The following MET variants were observed in gnomAD, a reference collection of about 807,000 sequenced individuals.
The protein encoded by MET is MET proto-oncogene, receptor tyrosine kinase.
Under a neutral mutation model 133.1 loss-of-function variants are expected in MET, and 48 were observed. The ratio of observed to expected loss-of-function variants is 0.36; its 90% CI spans 0.29 to 0.46. The LOEUF is 0.46. Among genes scored for constraint, MET ranks in the 20% least tolerant of loss-of-function variants. MET has a pLI of 1.00. For synonymous variants in MET, 628 were observed against 616.5 expected (o/e 1.02, Z -0.28); for missense variants, 1,442 against 1,695.9 (o/e 0.85, Z 2.63).
chr7:116,692,214 G>T (rs1796801873), intron 1 of MET, among the ~76,000 whole-genome samples: 1 of 152,130 alleles, frequency 6.6e-6, no homozygotes, highest in Non-Finnish European at 1.5e-5. Context: ...ACAGGATAAT[G>T]CTTACCTTAT....
intron 2 of MET, 36 bp from the exon 3 acceptor site, chr7:116,731,632 G>T (rs775643960): frequency 1.2e-6 from 2 of 1,610,070 alleles, no homozygotes; most frequent in East Asian, 2.2e-5. Context: ...TTCATGTCTG[G>T]ATTCACATTA....
chr7:116,791,705 C>G (rs549099286), intron 19 of MET, among the ~76,000 whole-genome samples: 1 of 152,248 alleles, frequency 6.6e-6, no homozygotes, highest in Admixed American at 6.5e-5. Flanking sequence ...CACTCTGTCA[C>G]CCAGCCTGAA....
rs138238598 is a variant in MET, at chr7:116,781,825, G to A, written c.3523-163G>A. 0.019 allele frequency among the ~76,000 whole-genome samples: 2,822 copies of A among 152,280 alleles called. 91 individuals are homozygous for A. The highest frequency in any genetic ancestry group is 0.065 in the African/African-American group (2,708 of 41,536). On this transcript the variant is annotated intron_variant, in intron 17 of 20. Transcript: ENST00000397752. The stretch of plus-strand genomic sequence containing the variant: ...ACTCCTGGCCTCAAGCCATCCTCTC[G>A]CCTTGGCCTCTCAAAGTTCTGGGAT...
chr7:116,703,868 T>C (rs1016078413), intron 2 of MET, among the ~76,000 whole-genome samples: 2 of 152,172 alleles, frequency 1.3e-5, no homozygotes, highest in African/African-American at 4.8e-5. Context: ...AAAGTTGAAA[T>C]TAGAAAAGCA....
Position 116,770,444 on chromosome 7 carries a change from G to T in MET, c.2730+653G>T, listed in dbSNP as rs1794795290. Among the ~76,000 whole-genome samples, 3 of 151,900 alleles carry T rather than the reference G, an allele frequency of 2.0e-5. No homozygotes were observed. The South Asian group carries it at 6.2e-4, about 31-fold the overall frequency. On this transcript the variant is annotated intron_variant, in intron 12 of 20. Transcript: ENST00000397752. Reference sequence around the variant, plus strand: ...TACATAATGTAATGTTTGCCATTTTGACCATTTTTAAATGTACAATTAAGT... The same window carrying T: ...TACATAATGTAATGTTTGCCATTTTTACCATTTTTAAATGTACAATTAAGT...
intron 5 of MET, among the ~76,000 whole-genome samples, chr7:116,751,191 G>A (rs1483903823): frequency 6.6e-6 from 1 of 152,290 alleles, no homozygotes; most frequent in East Asian, 1.9e-4. Flanking sequence ...ATCAAAGATA[G>A]ACTGGATAAA....
intron 2 of MET, among the ~76,000 whole-genome samples, chr7:116,726,171 A>ACACACAC (rs71148331): frequency 3.3e-4 from 40 of 122,628 alleles, no homozygotes; most frequent in African/African-American, 4.6e-4. Flanking sequence ...ATATATATAT[A>ACACACAC]TATATATGGG....
chr7:116,672,211 C>G lies in MET; in HGVS notation c.-381C>G, dbSNP rs1443684031. Among the ~76,000 whole-genome samples the G allele has an allele frequency of 6.6e-6, 1 of 151,860 alleles. No individual in the cohort carries two copies. Among genetic ancestry groups the G allele is most frequent in the Non-Finnish European group, 1.5e-5 (1 of 67,894 alleles). Reference sequence around the variant, plus strand: ...CGAGGCAGACAGACACGTGCTGGGGCGGGCAGGCGAGCGCCTCAGTCTGGT... The same window carrying G: ...CGAGGCAGACAGACACGTGCTGGGGGGGGCAGGCGAGCGCCTCAGTCTGGT... On this transcript the variant is annotated 5_prime_UTR_variant, in exon 1 of 21. Coordinates refer to ENST00000397752, the MANE Select transcript of MET (RefSeq NM_000245.4).
At chr7:116,721,965 A>G (rs1792507678) in intron 2 of MET, among the ~76,000 whole-genome samples, 2 of 150,344 alleles carry the variant, frequency 1.3e-5, no homozygotes, top group African/African-American at 4.9e-5. Flanking sequence ...TATTCTGTTG[A>G]TTTGGGGTGG....
intron 2 of MET, among the ~76,000 whole-genome samples, chr7:116,730,832 G>A (rs1037160741): frequency 6.6e-6 from 1 of 152,144 alleles, no homozygotes; most frequent in African/African-American, 2.4e-5. Flanking sequence ...TGAGGTCTCT[G>A]AGACATGTGA....
rs2116931541 is a variant in MET at position 116,758,546 on chromosome 7, C to G, written c.2190C>G (p.Asn730Lys). ...FAVKLKIDLA[N>K]RETSIFSYRE... ...TTAAATTGAAAATTGACTTAGCCAACCGAGAGACAAGCATCTTCAGTTACC... is the reference window on the plus strand; with the variant it reads ...TTAAATTGAAAATTGACTTAGCCAAGCGAGAGACAAGCATCTTCAGTTACC... The change falls in exon 9 of 21, where the codon AAC (asparagine) becomes AAG (lysine). Residue 730 changes from asparagine to lysine, a missense_variant. Asn to Lys is a moderately conservative substitution (Grantham distance 94). Transcript: ENST00000397752. 6.2e-7 allele frequency: 1 copy of G among 1,613,808 alleles called. No homozygotes were observed. The highest frequency in any genetic ancestry group is 1.1e-5 in the South Asian group (1 of 91,064).
At chr7:116,720,890 G>A (rs868540974) in intron 2 of MET, among the ~76,000 whole-genome samples, 234 of 142,930 alleles carry the variant, frequency 1.6e-3, no homozygotes, top group Middle Eastern at 7.0e-3. Flanking sequence ...CGTTTTGCCA[G>A]TATTTTATTG....
chr7:116,711,105 C>T (rs1390117090), intron 2 of MET, among the ~76,000 whole-genome samples: 1 of 152,190 alleles, frequency 6.6e-6, no homozygotes, highest in Non-Finnish European at 1.5e-5. Flanking sequence ...ACGATGTTGG[C>T]ATGGCTTCAT....
At chr7:116,754,992 G>GAAAGA in intron 5 of MET, among the ~76,000 whole-genome samples, 1 of 142,260 alleles carries the variant, frequency 7.0e-6, no homozygotes, top group African/African-American at 2.7e-5. Context: ...AGGAAAGAAA[G>GAAAGA]AAAGAAAGAA....
At chr7:116,721,203 G>A (rs1792470787) in intron 2 of MET, among the ~76,000 whole-genome samples, 2 of 152,106 alleles carry the variant, frequency 1.3e-5, no homozygotes, top group African/African-American at 4.8e-5. Flanking sequence ...CTTCTTCCTG[G>A]TTTAGTCTTG....
At chr7:116,754,357 G>A (rs1213983523) in intron 5 of MET, among the ~76,000 whole-genome samples, 1 of 152,160 alleles carries the variant, frequency 6.6e-6, no homozygotes, top group African/African-American at 2.4e-5. Flanking sequence ...ACAGAGCAAG[G>A]CGTATAATGG....
chr7:116,682,529 G>T (rs1004771606), intron 1 of MET, among the ~76,000 whole-genome samples: 1 of 152,070 alleles, frequency 6.6e-6, no homozygotes, highest in Admixed American at 6.5e-5. Flanking sequence ...CTGTTAATAA[G>T]GGCCCATAGA....
intron 14 of MET, among the ~76,000 whole-genome samples, chr7:116,772,875 C>T (rs966336201): frequency 6.6e-6 from 1 of 152,186 alleles, no homozygotes; most frequent in African/African-American, 2.4e-5. Context: ...ACATAGTAAA[C>T]ATTGTCTTTG....
At chr7:116,689,639 G>A (rs887668431) in intron 1 of MET, among the ~76,000 whole-genome samples, 1 of 143,914 alleles carries the variant, frequency 6.9e-6, no homozygotes, top group African/African-American at 2.6e-5. Context: ...TGTGATCACG[G>A]TTCACTGCAG....
Sources: gnomAD v4.1 joint callset for allele counts (sites outside exome capture counted in the v4.1 genomes callset) on GRCh38, gnomAD v4.1.1 for gene constraint, MANE v1.5 for transcripts, NCBI Gene and HGNC (gene_info 2026-07-23, HGNC 2026-07-21) for gene names.